KLF13: variants seen among roughly 807,000 people sequenced by gnomAD.
The protein encoded by KLF13 is KLF transcription factor 13.
In KLF13, 8 loss-of-function variants were observed where a neutral mutation model predicts 16.7. That is an observed-to-expected ratio of 0.48 (90% CI 0.28 to 0.87). The LOEUF (loss-of-function observed/expected upper bound fraction) is 0.87. Among genes scored for constraint, KLF13 ranks in the 40% least tolerant of loss-of-function variants. KLF13 has a pLI of 0.10. For missense variants in KLF13, 447 were observed against 452.2 expected (o/e 0.99, Z 0.10); for synonymous variants, 245 against 208.4 (o/e 1.18, Z -1.51).
chr15:31,396,724 G>C (rs2039956179), intron 2 of KLF13, among the ~76,000 whole-genome samples: 2 of 152,210 alleles, frequency 1.3e-5, no homozygotes, highest in Non-Finnish European at 2.9e-5. Flanking sequence ...AGCAACTTGG[G>C]AAAGTCAGAA....
intron 1 of KLF13, among the ~76,000 whole-genome samples, chr15:31,365,252 C>T (rs998859178): frequency 3.3e-5 from 5 of 152,214 alleles, no homozygotes; most frequent in East Asian, 1.9e-4. Context: ...GTCTGACCAG[C>T]GCTGCCCCTG....
At chr15:31,426,701 C>T (rs1001703563) in intron 1 of KLF13, among the ~76,000 whole-genome samples, 1 of 152,130 alleles carries the variant, frequency 6.6e-6, no homozygotes, top group Admixed American at 6.5e-5. Flanking sequence ...TTTTATGTGT[C>T]ACCTTGACTA....
intron 1 of KLF13, among the ~76,000 whole-genome samples, chr15:31,370,011 G>A (rs1344229652): frequency 6.7e-6 from 1 of 149,900 alleles, no homozygotes; most frequent in East Asian, 1.9e-4. Flanking sequence ...CCTCTGTGCA[G>A]CCTGTCTCAT....
At chr15:31,337,307 CT>C (rs1194166205) in intron 1 of KLF13, among the ~76,000 whole-genome samples, 2 of 152,234 alleles carry the variant, frequency 1.3e-5, no homozygotes, top group African/African-American at 4.8e-5. Flanking sequence ...TTGTTTTTGT[CT>C]TCTAGCACGG....
chr15:31,397,049 T>C (rs1232707259), intron 2 of KLF13, among the ~76,000 whole-genome samples: 1 of 152,064 alleles, frequency 6.6e-6, no homozygotes, highest in Non-Finnish European at 1.5e-5. Flanking sequence ...CAGGGGCTGG[T>C]GCCTGTCCCT....
intron 1 of KLF13, among the ~76,000 whole-genome samples, chr15:31,363,012 A>C (rs1261133330): frequency 6.6e-6 from 1 of 152,226 alleles, no homozygotes; most frequent in Non-Finnish European, 1.5e-5. Context: ...CCCGTTTTGT[A>C]GGTGTGCAAA....
At chr15:31,380,776 C>A (rs2039714009), downstream of KLF13, among the ~76,000 whole-genome samples, 2 of 152,226 alleles carry the variant, frequency 1.3e-5, no homozygotes. Flanking sequence ...ATCTCTGCAC[C>A]AACTTTCCTC....
At chr15:31,352,497 G>A (rs903236177) in intron 1 of KLF13, among the ~76,000 whole-genome samples, 1 of 152,258 alleles carries the variant, frequency 6.6e-6, no homozygotes, top group Non-Finnish European at 1.5e-5. Context: ...CATGACGTCG[G>A]CCAGCAGCCT....
downstream of KLF13, among the ~76,000 whole-genome samples, chr15:31,405,330 A>G (rs1358472174): frequency 1.3e-5 from 2 of 152,194 alleles, no homozygotes; most frequent in East Asian, 1.9e-4. Flanking sequence ...ACAGAAGGAA[A>G]AAAAAAGAAA....
exon 3 of KLF13, chr15:31,404,680 T>C (rs1046451177): frequency 1.3e-5 from 2 of 152,266 alleles, no homozygotes; most frequent in African/African-American, 2.4e-5. Flanking sequence ...CCCATCCCTG[T>C]TGTGGTGTAT....
intron 1 of KLF13, among the ~76,000 whole-genome samples, chr15:31,329,462 C>CGGTA (rs2038787735): frequency 6.8e-6 from 1 of 147,128 alleles, no homozygotes. Flanking sequence ...TCGGCAGCAC[C>CGGTA]GGTAGCGGGG....
At chr15:31,340,666 G>T (rs1034070594) in intron 1 of KLF13, among the ~76,000 whole-genome samples, 6 of 152,240 alleles carry the variant, frequency 3.9e-5, no homozygotes, top group Non-Finnish European at 8.8e-5. Context: ...GGCTGAGGCA[G>T]GAGAATTGCT....
chr15:31,372,172 G>A lies in KLF13; in HGVS notation c.740G>A (p.Arg247His), dbSNP rs748941501. 6 of 1,612,096 alleles carry A rather than the reference G, an allele frequency of 3.7e-6. No individual in the cohort carries two copies. Among genetic ancestry groups the A allele is most frequent in the East Asian group, 2.2e-5 (1 of 44,854 alleles). The change falls in exon 2 of 2, where the codon CGC (arginine) becomes CAC (histidine). Residue 247 changes from arginine (R) to histidine (H), a missense_variant. Physicochemically the swap from Arg to His is conservative, Grantham distance 29 (BLOSUM62 0). Around this residue, in one of 2 missense-constraint regions of KLF13, gnomAD observed 88 missense variants for 169.5 expected, o/e 0.52. Transcript: ENST00000307145. ...AGCGACCACCTGACCAAGCACGCGCGCCGCCACGCCAACTTCCACCCGGGA... is the reference window on the plus strand; with the variant it reads ...AGCGACCACCTGACCAAGCACGCGCACCGCCACGCCAACTTCCACCCGGGA... ...MRSDHLTKHA[R>H]RHANFHPGML...
intron 1 of KLF13, among the ~76,000 whole-genome samples, chr15:31,335,716 G>C (rs2038919604): frequency 2.6e-5 from 4 of 152,188 alleles, no homozygotes; most frequent in Non-Finnish European, 5.9e-5. Context: ...AAGGTGACTT[G>C]TTTGGGGAAG....
chr15:31,358,159 A>G (rs560129705), intron 1 of KLF13, among the ~76,000 whole-genome samples: 32 of 152,324 alleles, frequency 2.1e-4, no homozygotes, highest in Non-Finnish European at 4.0e-4. Context: ...TTGCCCAACA[A>G]TGTTATCCAG....
chr15:31,413,206 A>AAAC (rs1555382486), intron 1 of KLF13, among the ~76,000 whole-genome samples: 66 of 145,492 alleles, frequency 4.5e-4, no homozygotes, highest in African/African-American at 1.4e-3. Flanking sequence ...AAAAAAACAA[A>AAAC]AAACAAAAAA....
At chr15:31,407,373 G>A (rs182844665), downstream of KLF13, among the ~76,000 whole-genome samples, 22 of 152,230 alleles carry the variant, frequency 1.4e-4, no homozygotes, top group East Asian at 4.2e-3. Flanking sequence ...CATGAACTAC[G>A]AGAAAGATAA....
intron 1 of KLF13, among the ~76,000 whole-genome samples, chr15:31,332,544 C>T (rs1363756411): frequency 3.3e-5 from 5 of 152,188 alleles, no homozygotes; most frequent in South Asian, 2.1e-4. Context: ...GGAAGCTGTG[C>T]TGCCTGAGCA....
chr15:31,328,480 G>C (rs958594652), intron 1 of KLF13, among the ~76,000 whole-genome samples: 1 of 151,976 alleles, frequency 6.6e-6, no homozygotes, highest in Non-Finnish European at 1.5e-5. Flanking sequence ...CGGCCCGGCG[G>C]GGGCGCGCCC....
Sources: gnomAD v4.1 joint callset for allele counts (sites outside exome capture counted in the v4.1 genomes callset) on GRCh38, gnomAD v4.1.1 for gene constraint, gnomAD v4.1.1 regional missense constraint, MANE v1.5 for transcripts, NCBI Gene and HGNC (gene_info 2026-07-23, HGNC 2026-07-21) for gene names.